Variants in ATP7A observed in about 807,000 individuals in gnomAD.
ATP7A encodes the protein ATPase copper transporting alpha.
Under a neutral mutation model 83.5 loss-of-function variants are expected in ATP7A, and 7 were observed. That is an observed-to-expected ratio of 0.08 (90% CI 0.05 to 0.16). The LOEUF (loss-of-function observed/expected upper bound fraction) is 0.16, where lower values mean the gene tolerates loss of function less well. Among genes scored for constraint, ATP7A ranks in the 10% least tolerant of loss-of-function variants. ATP7A has a pLI of 1.00. For missense variants in ATP7A, 940 were observed against 1,120.8 expected, an observed-to-expected ratio of 0.84 and a Z score of 2.30; for synonymous variants, 354 against 395.2, an observed-to-expected ratio of 0.90 and a Z score of 1.24.
intron 1 of ATP7A, among the ~76,000 whole-genome samples, chrX:77,911,123 G>A (rs1422252325): frequency 8.9e-6 from 1 of 112,609 alleles, no homozygotes; most frequent in Non-Finnish European, 1.9e-5. Flanking sequence ...GTACAAGAAA[G>A]TTTGTGTTTG....
chrX:78,013,939 GTTTC>G (rs1181818372), intron 10 of ATP7A, among the ~76,000 whole-genome samples: 24 of 111,103 alleles, frequency 2.2e-4, no homozygotes, highest in African/African-American at 7.5e-4. Context: ...TTTAGTTTGT[GTTTC>G]TTCCATTAAT....
chrX:78,012,512 C>A lies in ATP7A; in HGVS notation c.2173-367C>A, dbSNP rs782006105. Among the ~76,000 whole-genome samples, 9 of 105,591 alleles carry A rather than the reference C, an allele frequency of 8.5e-5. No individual in the cohort carries two copies. The East Asian group carries it at 2.7e-3, about 31-fold the overall frequency. The allele number at this position is 105,591 out of a possible 115,157, so 91.7% of individuals were successfully genotyped here. A position where few individuals can be genotyped will look rare whatever the true frequency, so the allele number is the denominator to read the frequency against. On this transcript the variant is annotated intron_variant, in intron 9 of 22. Transcript: ENST00000341514. ...TGGCTCATGCCTATAATCCCAGCTA[C>A]TTGGGAGGCTGAGGCAGGAGGATTG...
At chrX:78,040,495 T>G in intron 18 of ATP7A, 96 bp from the exon 19 acceptor site, 1 of 1,101,649 alleles carries the variant, frequency 9.1e-7, no homozygotes, top group Non-Finnish European at 1.2e-6. Flanking sequence ...CAACTTTACT[T>G]GAGAAAATTC....
At chrX:77,945,179 T>C (rs1339750925) in intron 1 of ATP7A, among the ~76,000 whole-genome samples, 4 of 107,098 alleles carry the variant, frequency 3.7e-5, no homozygotes, top group Non-Finnish European at 7.7e-5. Flanking sequence ...TAATGTTTTG[T>C]TTTGTTTTGT....
chrX:77,984,116 G>C, intron 2 of ATP7A, among the ~76,000 whole-genome samples: 2 of 111,439 alleles, frequency 1.8e-5, no homozygotes, highest in East Asian at 2.8e-4. Flanking sequence ...TGAGGAAGGT[G>C]GGGTAGGGCA....
intron 19 of ATP7A, among the ~76,000 whole-genome samples, chrX:78,041,501 C>T (rs2078048362): frequency 9.1e-6 from 1 of 109,799 alleles, no homozygotes; most frequent in Non-Finnish European, 1.9e-5. Context: ...TCGTGAACTT[C>T]GGACCTCAGG....
At chrX:77,969,265 G>A in intron 1 of ATP7A, 1 of 1,211,702 alleles carries the variant, frequency 8.3e-7, no homozygotes, top group Non-Finnish European at 1.1e-6. Context: ...GGGCTCCATC[G>A]GAGGTGGTGG....
chrX:77,931,649 CG>C (rs2077277148), intron 1 of ATP7A, among the ~76,000 whole-genome samples: 3 of 98,954 alleles, frequency 3.0e-5, no homozygotes, highest in Non-Finnish European at 2.1e-5. Context: ...GGGGCTGACC[CG>C]CCCACCTCCC....
chrX:78,037,643 TA>T (rs1246841580), intron 17 of ATP7A, among the ~76,000 whole-genome samples: 1 of 111,621 alleles, frequency 9.0e-6, no homozygotes. Flanking sequence ...AATTAGGAGG[TA>T]ACCCCTAAGA....
At chrX:77,937,720 T>C (rs782439390) in intron 1 of ATP7A, among the ~76,000 whole-genome samples, 24 of 111,828 alleles carry the variant, frequency 2.1e-4, no homozygotes, top group Non-Finnish European at 2.6e-4. Flanking sequence ...TATCCACTTA[T>C]ATGAATAATC....
chrX:78,003,121 G>T lies in ATP7A; in HGVS notation c.1592G>T (p.Arg531Met), dbSNP rs782048861. 8.3e-7 allele frequency: 1 copy of T among 1,209,205 alleles called. No homozygotes were observed. The highest frequency in any genetic ancestry group is 1.1e-6 in the Non-Finnish European group (1 of 893,375). The change falls in exon 6 of 23, where the codon AGG (arginine) becomes ATG (methionine). Residue 531 changes from arginine (R) to methionine (M), a missense_variant. Arg to Met is a moderately conservative substitution (Grantham distance 91, BLOSUM62 -1). Transcript: ENST00000341514. ...CTGATGGCTGGCAAGGCAGAAGTAA[G>T]GTATAATCCTGCTGTTATACAACCC... ...VALMAGKAEVRYNPAVIQPPM... is the reference protein window; with the variant it reads ...VALMAGKAEVMYNPAVIQPPM...
intron 1 of ATP7A, among the ~76,000 whole-genome samples, chrX:77,948,543 C>A (rs2077396650): frequency 8.9e-6 from 1 of 112,486 alleles, no homozygotes; most frequent in South Asian, 3.6e-4. Flanking sequence ...GGAAAATCAT[C>A]TCTGACTTCC....
At chrX:78,003,717 G>A (rs1444650310) in intron 6 of ATP7A, among the ~76,000 whole-genome samples, 2 of 110,495 alleles carry the variant, frequency 1.8e-5, no homozygotes, top group South Asian at 3.8e-4. Flanking sequence ...TGAGGTGGGT[G>A]GATTAGTTGA....
intron 4 of ATP7A, among the ~76,000 whole-genome samples, chrX:77,991,971 G>A (rs1230172016): frequency 1.8e-5 from 2 of 110,215 alleles, no homozygotes; most frequent in Non-Finnish European, 3.8e-5. Context: ...GCAGTGAGCC[G>A]TGATCGTGTC....
chrX:77,985,478 TA>T (rs2077630768), intron 2 of ATP7A, among the ~76,000 whole-genome samples: 1 of 110,845 alleles, frequency 9.0e-6, no homozygotes, highest in Admixed American at 9.7e-5. Context: ...GTTGGTACTT[TA>T]TCAGAAAAAG....
At chrX:77,927,649 ATTATAC>A (rs1220310287) in intron 1 of ATP7A, among the ~76,000 whole-genome samples, 9 of 110,643 alleles carry the variant, frequency 8.1e-5, no homozygotes, top group Admixed American at 1.9e-4. Flanking sequence ...CATTTTTTTT[ATTATAC>A]TTTAAGTTCT....
At chrX:77,976,491 A>G (rs1186533404) in intron 2 of ATP7A, among the ~76,000 whole-genome samples, 6 of 111,817 alleles carry the variant, frequency 5.4e-5, no homozygotes, top group African/African-American at 1.9e-4. Flanking sequence ...TTATTACCCA[A>G]AATTGGCTAA....
intron 1 of ATP7A, among the ~76,000 whole-genome samples, chrX:77,926,957 C>T (rs1557223650): frequency 9.0e-6 from 1 of 111,546 alleles, no homozygotes; most frequent in African/African-American, 3.3e-5. Context: ...CCTGCCTCAG[C>T]CTCCCAAAGT....
rs782048272 is a variant in ATP7A, at chrX:77,933,420, G to A, written c.-22+22585G>A. ...CTCATGGAGCTTATGTTCTGGAAGTGGGAGACTGACAGTAAATAAGTAAAC... is the reference window on the plus strand; with the variant it reads ...CTCATGGAGCTTATGTTCTGGAAGTAGGAGACTGACAGTAAATAAGTAAAC... On this transcript the variant is annotated intron_variant, in intron 1 of 22. Transcript: ENST00000341514. Among the ~76,000 whole-genome samples, 3 of 111,950 alleles carry A rather than the reference G, an allele frequency of 2.7e-5. No homozygotes were observed. The South Asian group carries it at 1.1e-3, about 42-fold the overall frequency.
Sources: allele counts gnomAD v4.1 joint callset (sites outside exome capture counted in the v4.1 genomes callset), GRCh38; gene constraint gnomAD v4.1.1; transcripts MANE v1.5; gene names NCBI Gene and HGNC (gene_info 2026-07-23, HGNC 2026-07-21).